Variants in WWP1 observed in about 807,000 individuals in gnomAD.
WWP1 encodes WW domain containing E3 ubiquitin protein ligase 1, also known as NEDD4-like E3 ubiquitin-protein ligase WWP1.
In WWP1, 49 loss-of-function variants were observed where a neutral mutation model predicts 130.6. The ratio of observed to expected loss-of-function variants is 0.38; its 90% CI spans 0.30 to 0.48. The LOEUF (loss-of-function observed/expected upper bound fraction) is 0.48, where lower values mean the gene tolerates loss of function less well. Ranked by LOEUF, WWP1 falls within the 20% of genes least tolerant of loss-of-function variation. The probability of loss-of-function intolerance (pLI) is 0.99; values close to 1 mark genes in which losing one functional copy is unlikely to be tolerated. For synonymous variants in WWP1, 332 were observed against 367.8 expected (o/e 0.90, Z 1.11); for missense variants, 809 against 1,100.6 (o/e 0.74, Z 3.75).
At position 86,448,017 on chromosome 8, in the gene WWP1, C is replaced by T; in HGVS notation, c.1999-131C>T. ...GCATTTTATATAATATTTTAGTTTT[C>T]ATGATTTATGCCATTCACTTACTGA... On this transcript the variant is annotated intron_variant, in intron 18 of 24. Transcript: ENST00000517970. 8.0e-6 allele frequency: 6 copies of T among 754,078 alleles called. No individual in the cohort carries two copies. In the South Asian group the frequency reaches 8.8e-5, roughly 11 times the overall value. The allele number at this position is 754,078 out of a possible 1,614,324, so 46.7% of individuals were successfully genotyped here.
At chr8:86,405,355 T>A (rs1381620846) in intron 8 of WWP1, among the ~76,000 whole-genome samples, 1 of 144,968 alleles carries the variant, frequency 6.9e-6, no homozygotes, top group Non-Finnish European at 1.5e-5. Flanking sequence ...TTTGGTAAAC[T>A]CATTTGATGG....
chr8:86,427,935 G>C (rs1809725351), intron 11 of WWP1, 118 bp downstream of exon 11: 1 of 904,084 alleles, frequency 1.1e-6, no homozygotes, highest in East Asian at 2.8e-5. Flanking sequence ...TTCAGAAATG[G>C]TATAGACTGT....
At chr8:86,381,193 T>G (rs1374784050) in intron 4 of WWP1, among the ~76,000 whole-genome samples, 1 of 152,230 alleles carries the variant, frequency 6.6e-6, no homozygotes, top group Non-Finnish European at 1.5e-5. Flanking sequence ...AAGTATCATG[T>G]AAGTCTTTAG....
rs576916380 is a variant in WWP1, at chr8:86,371,832, A to G, written c.-21-2198A>G. On this transcript the variant is annotated intron_variant, in intron 2 of 24. Transcript: ENST00000517970. ...CAGAAGTCTCAGTTTCCGTGTAGTC[A>G]AAATATTCACCCTTTTTTTCTTTTT... Among the ~76,000 whole-genome samples, 161 of 151,862 alleles carry G rather than the reference A, an allele frequency of 1.1e-3. 2 individuals are homozygous for G. Among genetic ancestry groups the G allele is most frequent in the Non-Finnish European group, 1.6e-3 (107 of 67,934 alleles).
intron 16 of WWP1, among the ~76,000 whole-genome samples, chr8:86,437,449 GA>G (rs1259291427): frequency 6.6e-6 from 1 of 152,196 alleles, no homozygotes; most frequent in African/African-American, 2.4e-5. Flanking sequence ...CTGCTAGTCA[GA>G]AAAATTTACC....
intron 11 of WWP1, 71 bp from the exon 12 acceptor site, chr8:86,430,626 C>A: frequency 1.6e-6 from 2 of 1,275,506 alleles, no homozygotes; most frequent in Non-Finnish European, 2.1e-6. Flanking sequence ...CTGCCACATG[C>A]TTGGCTTATT....
At chr8:86,419,687 A>G (rs1809088460) in intron 9 of WWP1, among the ~76,000 whole-genome samples, 1 of 152,184 alleles carries the variant, frequency 6.6e-6, no homozygotes, top group African/African-American at 2.4e-5. Context: ...ACAAACACAA[A>G]TTTCTTTATT....
At chr8:86,428,384 C>G (rs1809749197) in intron 11 of WWP1, among the ~76,000 whole-genome samples, 1 of 151,762 alleles carries the variant, frequency 6.6e-6, no homozygotes, top group South Asian at 2.1e-4. Context: ...GTGGAAAAAA[C>G]AAAACAAAAC....
intron 9 of WWP1, among the ~76,000 whole-genome samples, chr8:86,418,580 T>C (rs898095429): frequency 2.6e-5 from 4 of 152,220 alleles, no homozygotes; most frequent in African/African-American, 9.6e-5. Flanking sequence ...ATTGGCAGCA[T>C]TGGATGCCTT....
At chr8:86,349,308 C>T (rs1245328964) in intron 1 of WWP1, among the ~76,000 whole-genome samples, 4 of 152,178 alleles carry the variant, frequency 2.6e-5, no homozygotes, top group Admixed American at 2.6e-4. Flanking sequence ...CGTGAGCCAC[C>T]GTGCCTGGTC....
intron 21 of WWP1, among the ~76,000 whole-genome samples, chr8:86,456,530 A>G (rs1411064526): frequency 1.3e-5 from 2 of 151,944 alleles, no homozygotes; most frequent in Non-Finnish European, 2.9e-5. Context: ...CACCACTTTG[A>G]GATAGTGTTG....
At chr8:86,376,579 G>GAAAGAAAAAGA (rs932121362) in intron 3 of WWP1, among the ~76,000 whole-genome samples, 1 of 150,392 alleles carries the variant, frequency 6.6e-6, no homozygotes, top group Non-Finnish European at 1.5e-5. Context: ...AAAAAAAAAA[G>GAAAGAAAAAGA]AAAGAAAAAG....
chr8:86,398,868 C>A (rs771067511), intron 7 of WWP1, among the ~76,000 whole-genome samples: 1 of 152,078 alleles, frequency 6.6e-6, no homozygotes, highest in African/African-American at 2.4e-5. Flanking sequence ...ACATTTTAGT[C>A]GTTTTTAATA....
intron 1 of WWP1, among the ~76,000 whole-genome samples, chr8:86,366,244 T>C (rs146222252): frequency 2.0e-5 from 3 of 152,192 alleles, no homozygotes; most frequent in Non-Finnish European, 2.9e-5. Context: ...TATGAGCTAG[T>C]GAATGGAATG....
At chr8:86,435,937 G>A (rs1483403900) in intron 16 of WWP1, among the ~76,000 whole-genome samples, 5 of 152,056 alleles carry the variant, frequency 3.3e-5, no homozygotes, top group East Asian at 1.9e-4. Context: ...GGGCTCGAAC[G>A]ATCTACCCAC....
intron 3 of WWP1, among the ~76,000 whole-genome samples, 160 bp from the exon 4 acceptor site, chr8:86,380,566 T>C (rs1178891611): frequency 2.6e-5 from 4 of 152,208 alleles, no homozygotes; most frequent in African/African-American, 4.8e-5. Context: ...TTCAAATGGC[T>C]CTCAAGCATT....
intron 1 of WWP1, among the ~76,000 whole-genome samples, chr8:86,361,968 G>GTC (rs1823628684): frequency 8.4e-6 from 1 of 119,300 alleles, no homozygotes; most frequent in Non-Finnish European, 1.9e-5. Context: ...TGCCTAGTGT[G>GTC]TGTGTGTATA....
chr8:86,411,927 CAT>C, intron 9 of WWP1, 53 bp downstream of exon 9: 2 of 1,466,976 alleles, frequency 1.4e-6, no homozygotes, highest in Non-Finnish European at 1.8e-6. Flanking sequence ...ACTCTGTTAA[CAT>C]ACGATTATTG....
chr8:86,379,278 C>A (rs1268180937), intron 3 of WWP1, among the ~76,000 whole-genome samples: 2 of 152,166 alleles, frequency 1.3e-5, no homozygotes, highest in Non-Finnish European at 2.9e-5. Flanking sequence ...CTGGTAGTAG[C>A]AGTTCAGACA....
Sources: allele counts gnomAD v4.1 joint callset (sites outside exome capture counted in the v4.1 genomes callset), GRCh38; gene constraint gnomAD v4.1.1; transcripts MANE v1.5; gene names NCBI Gene and HGNC (gene_info 2026-07-23, HGNC 2026-07-21).